TRAPPC3L: variants seen among roughly 807,000 people sequenced by gnomAD.
TRAPPC3L encodes the protein trafficking protein particle complex subunit 3-like protein.
A neutral mutation model predicts 23.7 loss-of-function variants in TRAPPC3L; 23 were observed. The observed-to-expected ratio is 0.97, with a 90% CI of 0.70 to 1.37. The LOEUF (loss-of-function observed/expected upper bound fraction) is 1.37, where lower values mean the gene tolerates loss of function less well. TRAPPC3L is among the 40% of genes most tolerant of loss of function. The pLI, the probability that TRAPPC3L is intolerant of heterozygous loss-of-function variation, is 0.00. For synonymous variants in TRAPPC3L, 81 were observed against 77.9 expected (o/e 1.04, Z -0.21); for missense variants, 212 against 216.8 (o/e 0.98, Z 0.14).
chr6:116,514,202 AG>A (rs1354446667), intron 3 of TRAPPC3L, among the ~76,000 whole-genome samples: 1 of 152,140 alleles, frequency 6.6e-6, no homozygotes, highest in Non-Finnish European at 1.5e-5. Flanking sequence ...GTCATGTGAA[AG>A]GGGGAAGGGG....
At chr6:116,543,840 C>T (rs1583300930) in intron 1 of TRAPPC3L, 2 of 1,534,232 alleles carry the variant, frequency 1.3e-6, no homozygotes, top group Non-Finnish European at 1.7e-6. Flanking sequence ...CCAAGGAGAC[C>T]TTCAGGATAA....
At chr6:116,500,954 A>G (rs1771902077) in intron 3 of TRAPPC3L, among the ~76,000 whole-genome samples, 1 of 152,168 alleles carries the variant, frequency 6.6e-6, no homozygotes, top group African/African-American at 2.4e-5. Flanking sequence ...TGCATTTCCA[A>G]CTGAGGTACC....
intron 4 of TRAPPC3L, among the ~76,000 whole-genome samples, chr6:116,499,073 G>A (rs894215899): frequency 5.9e-5 from 9 of 152,182 alleles, no homozygotes; most frequent in Middle Eastern, 3.4e-3. Context: ...GCTCAAAATC[G>A]AACTCCTCAC....
intron 3 of TRAPPC3L, among the ~76,000 whole-genome samples, chr6:116,505,863 T>C (rs578037102): frequency 1.3e-5 from 2 of 152,242 alleles, no homozygotes; most frequent in South Asian, 4.1e-4. Flanking sequence ...ATACAAAAAC[T>C]AACTCAAGAT....
intron 3 of TRAPPC3L, chr6:116,512,255 G>C (rs373630647): frequency 6.3e-7 from 1 of 1,575,232 alleles, no homozygotes; most frequent in South Asian, 1.1e-5. Flanking sequence ...AGACAAACTC[G>C]CCTTTTTCTC....
chr6:116,497,498 C>T (rs1771849053), intron 4 of TRAPPC3L, among the ~76,000 whole-genome samples: 1 of 152,188 alleles, frequency 6.6e-6, no homozygotes, highest in African/African-American at 2.4e-5. Flanking sequence ...CTGTCATTAG[C>T]TGAATAACAT....
chr6:116,512,069 T>G, intron 3 of TRAPPC3L: 5 of 1,614,018 alleles, frequency 3.1e-6, no homozygotes, highest in Non-Finnish European at 4.2e-6. Context: ...TGGAACTTTC[T>G]ATGAATGTGC....
In TRAPPC3L at chr6:116,540,474, G is replaced by A. The variant is rs1291157598; in HGVS notation, c.141-12C>T. The A allele has an allele frequency of 1.9e-6, 3 of 1,549,448 alleles. No homozygotes were observed. The highest frequency in any genetic ancestry group is 1.2e-5 in the South Asian group (1 of 83,636). On this transcript the variant is annotated splice_polypyrimidine_tract_variant and intron_variant, in intron 2 of 4. Coordinates refer to ENST00000368602, the MANE Select transcript of TRAPPC3L (RefSeq NM_001139444.3). ...CAATGCCGTAACCCCTGTGGATGACGGAAAGAGTGTGGTCTGAAAATTCTA... is the reference window on the plus strand; with the variant it reads ...CAATGCCGTAACCCCTGTGGATGACAGAAAGAGTGTGGTCTGAAAATTCTA...
chr6:116,515,694 T>G, intron 3 of TRAPPC3L: 1 of 1,614,006 alleles, frequency 6.2e-7, no homozygotes. Context: ...TACCTTCAGC[T>G]GAGTTTTTGG....
intron 4 of TRAPPC3L, 38 bp from the exon 5 acceptor site, chr6:116,497,111 TTAAAAAA>T (rs1207895518): frequency 1.3e-5 from 19 of 1,500,384 alleles, no homozygotes; most frequent in Non-Finnish European, 1.7e-5. Flanking sequence ...TGTCATTCAA[TTAAAAAA>T]CAAAAAACTA....
At chr6:116,542,416 T>C (rs1032635680) in intron 2 of TRAPPC3L, among the ~76,000 whole-genome samples, 1 of 152,164 alleles carries the variant, frequency 6.6e-6, no homozygotes, top group Admixed American at 6.6e-5. Context: ...ATGTTGTCTT[T>C]TTCTGTATTT....
intron 3 of TRAPPC3L, chr6:116,511,874 T>G: frequency 6.2e-7 from 1 of 1,614,106 alleles, no homozygotes; most frequent in Non-Finnish European, 8.5e-7. Flanking sequence ...TGCTCCTGCC[T>G]GGGTGTTACT....
At chr6:116,499,040 G>A (rs1771873528) in intron 4 of TRAPPC3L, among the ~76,000 whole-genome samples, 1 of 152,148 alleles carries the variant, frequency 6.6e-6, no homozygotes, top group Non-Finnish European at 1.5e-5. Context: ...ACTTGCATGT[G>A]TTAAACACCT....
chr6:116,512,352 A>T (rs555784959), intron 3 of TRAPPC3L: 1 of 1,181,694 alleles, frequency 8.5e-7, no homozygotes. Context: ...CTAAATGGAA[A>T]CTGAAACATG....
intron 1 of TRAPPC3L, chr6:116,543,650 G>T (rs1309554980): frequency 4.4e-6 from 3 of 682,742 alleles, no homozygotes; most frequent in Non-Finnish European, 7.5e-6. Context: ...ATCTTTCTAT[G>T]CATTTGCTTA....
chr6:116,505,214 C>T (rs1442008835), intron 3 of TRAPPC3L, among the ~76,000 whole-genome samples: 1 of 151,974 alleles, frequency 6.6e-6, no homozygotes, highest in Non-Finnish European at 1.5e-5. Flanking sequence ...AGCATTCTTA[C>T]ACACCAATAA....
intron 3 of TRAPPC3L, among the ~76,000 whole-genome samples, chr6:116,506,852 C>T (rs547930811): frequency 3.9e-5 from 6 of 152,064 alleles, no homozygotes; most frequent in South Asian, 4.2e-4. Context: ...CATCACACAC[C>T]GGGACCTGTC....
chr6:116,535,562 C>T (rs918773486), intron 3 of TRAPPC3L, among the ~76,000 whole-genome samples: 1 of 152,076 alleles, frequency 6.6e-6, no homozygotes, highest in Non-Finnish European at 1.5e-5. Context: ...TTTTGTATAA[C>T]TAAGGAGGTT....
At position 116,535,009 on chromosome 6, in the gene TRAPPC3L, C is replaced by T. The variant is rs549386200; in HGVS notation, c.240+5354G>A. Among the ~76,000 whole-genome samples, 21 of 152,186 alleles carry T rather than the reference C, an allele frequency of 1.4e-4. No individual in the cohort carries two copies. The South Asian group carries it at 3.3e-3, about 24-fold the overall frequency. The stretch of plus-strand genomic sequence containing the variant: ...GAGTAATCATCATATTGACATGGAC[C>T]TGAGAGCAAAAAGCTTCTCAACTTT... On this transcript the variant is annotated intron_variant, in intron 3 of 4. Coordinates refer to ENST00000368602, the MANE Select transcript of TRAPPC3L (RefSeq NM_001139444.3).
Sources: allele counts gnomAD v4.1 joint callset (sites outside exome capture counted in the v4.1 genomes callset), GRCh38; gene constraint gnomAD v4.1.1; transcripts MANE v1.5; gene names NCBI Gene and HGNC (gene_info 2026-07-23, HGNC 2026-07-21).